HIPK2: variants seen among roughly 807,000 people sequenced by gnomAD.
HIPK2 encodes the protein homeodomain-interacting protein kinase 2.
HIPK2 carries 27 observed loss-of-function variants against 113.7 expected under a neutral mutation model. That is an observed-to-expected ratio of 0.24 (90% CI 0.17 to 0.33). The LOEUF (loss-of-function observed/expected upper bound fraction) is 0.33, where lower values mean the gene tolerates loss of function less well. HIPK2 is among the 10% of genes least tolerant of loss of function. HIPK2 has a pLI of 1.00. For missense variants in HIPK2, 1,257 were observed against 1,588.0 expected, an observed-to-expected ratio of 0.79 and a Z score of 3.54; for synonymous variants, 631 against 642.2, an observed-to-expected ratio of 0.98 and a Z score of 0.26.
chr7:139,750,476 A>G (rs1307727707), intron 1 of HIPK2, among the ~76,000 whole-genome samples: 1 of 152,080 alleles, frequency 6.6e-6, no homozygotes, highest in African/African-American at 2.4e-5. Flanking sequence ...ATATATTTAC[A>G]CACATAGGCA....
chr7:139,653,730 G>A (rs1801549022), intron 2 of HIPK2, among the ~76,000 whole-genome samples: 1 of 151,800 alleles, frequency 6.6e-6, no homozygotes, highest in Non-Finnish European at 1.5e-5. Flanking sequence ...GCCTCCTCGA[G>A]ACTGTTGTTG....
intron 6 of HIPK2, among the ~76,000 whole-genome samples, chr7:139,621,925 GAAAAAAA>G (rs34446527): frequency 4.0e-5 from 3 of 75,586 alleles, no homozygotes; most frequent in East Asian, 5.3e-4. Context: ...CCTGTCTCAG[GAAAAAAA>G]AAAAAAAAAA....
At chr7:139,656,229 T>C (rs565311988) in intron 2 of HIPK2, among the ~76,000 whole-genome samples, 6 of 152,186 alleles carry the variant, frequency 3.9e-5, no homozygotes, top group Non-Finnish European at 7.4e-5. Context: ...TCTAGTACCA[T>C]ATTCTCATTG....
In HIPK2 at chr7:139,637,896, C is replaced by T. The variant is rs111794119; in HGVS notation, c.1104-6171G>A. 9.2e-3 allele frequency among the ~76,000 whole-genome samples: 1,399 copies of T among 152,216 alleles called. 19 individuals are homozygous for T. The highest frequency in any genetic ancestry group is 0.031 in the African/African-American group (1,292 of 41,518). On this transcript the variant is annotated intron_variant, in intron 2 of 14. Coordinates refer to ENST00000406875, the MANE Select transcript of HIPK2 (RefSeq NM_022740.5). Reference sequence around the variant, plus strand: ...GCTGAGGCTCAGAGAGGGGCACGAGCAACCCGGCTCACACTCACCACAGCA... The same window carrying T: ...GCTGAGGCTCAGAGAGGGGCACGAGTAACCCGGCTCACACTCACCACAGCA...
At chr7:139,635,052 C>T in intron 2 of HIPK2, among the ~76,000 whole-genome samples, 2 of 152,312 alleles carry the variant, frequency 1.3e-5, no homozygotes, top group Admixed American at 6.5e-5. Context: ...TTTCTCTCTG[C>T]CCTCCCTGTT....
intron 1 of HIPK2, among the ~76,000 whole-genome samples, chr7:139,757,164 C>T (rs768054009): frequency 2.4e-4 from 37 of 152,138 alleles, no homozygotes; most frequent in Non-Finnish European, 4.3e-4. Context: ...CTCAATCATT[C>T]GTTTTAATGT....
At chr7:139,695,400 G>C (rs1050135352) in intron 2 of HIPK2, among the ~76,000 whole-genome samples, 2 of 152,188 alleles carry the variant, frequency 1.3e-5, no homozygotes, top group Admixed American at 6.5e-5. Context: ...AGCCTTGGGG[G>C]CTCGCCACTC....
intron 2 of HIPK2, among the ~76,000 whole-genome samples, chr7:139,634,249 G>T (rs1260793677): frequency 6.6e-6 from 1 of 152,108 alleles, no homozygotes; most frequent in Non-Finnish European, 1.5e-5. Flanking sequence ...GGAGTGAGTT[G>T]CCTTGTTGCT....
At chr7:139,662,617 CT>C (rs373566905) in intron 2 of HIPK2, among the ~76,000 whole-genome samples, 2,628 of 133,610 alleles carry the variant, frequency 0.02, 27 homozygotes, top group East Asian at 0.06. Flanking sequence ...TAAAACACCA[CT>C]TTTTTTTTTT....
intron 1 of HIPK2, among the ~76,000 whole-genome samples, chr7:139,750,832 T>TAA (rs894716498): frequency 3.3e-5 from 5 of 152,160 alleles, no homozygotes; most frequent in Non-Finnish European, 7.4e-5. Flanking sequence ...TGAAAAGAAC[T>TAA]AAAAAAATCT....
At chr7:139,664,157 C>A (rs772180991) in intron 2 of HIPK2, among the ~76,000 whole-genome samples, 1 of 152,092 alleles carries the variant, frequency 6.6e-6, no homozygotes, top group Non-Finnish European at 1.5e-5. Context: ...AACCAACCAA[C>A]CAACCAAATA....
At chr7:139,708,176 T>C (rs1444929227) in intron 2 of HIPK2, among the ~76,000 whole-genome samples, 1 of 152,072 alleles carries the variant, frequency 6.6e-6, no homozygotes, top group African/African-American at 2.4e-5. Flanking sequence ...CTGGAGCCCA[T>C]GCCATCTAAG....
At position 139,732,738 on chromosome 7, in the gene HIPK2, C is replaced by CAT. The variant is rs72441650; in HGVS notation, c.20-15725_20-15724dup. ...AGGGTCCTTGTGAGGAGTAAATGAA[C>CAT]ATATATATATATAACTATATATAAC... On this transcript the variant is annotated intron_variant, in intron 1 of 14. Transcript: ENST00000406875. Among the ~76,000 whole-genome samples the CAT allele has an allele frequency of 6.6e-3, 980 of 147,638 alleles. 15 individuals are homozygous for CAT. Among genetic ancestry groups the CAT allele is most frequent in the African/African-American group, 0.021 (849 of 40,258 alleles).
chr7:139,630,499 G>A lies in HIPK2; in HGVS notation c.1347+666C>T, dbSNP rs1371562123. ...TGCAACCTCCGCCTCCCAGGTGCAA[G>A]TGATTCACGTGCCTCAGCTTCCTGA... On this transcript the variant is annotated intron_variant, in intron 4 of 14. Transcript: ENST00000406875. The surrounding 1 kb of genome is among the most constrained non-coding windows in gnomAD (Gnocchi z 4.0). 6.6e-6 allele frequency among the ~76,000 whole-genome samples: 1 copy of A among 152,248 alleles called. No homozygotes were observed. The highest frequency in any genetic ancestry group is 1.5e-5 in the Non-Finnish European group (1 of 68,044).
intron 2 of HIPK2, among the ~76,000 whole-genome samples, chr7:139,648,696 C>T (rs569487355): frequency 3.3e-5 from 5 of 152,126 alleles, no homozygotes; most frequent in African/African-American, 1.2e-4. Context: ...TCATCAGCCC[C>T]GTCTGCATCA....
At chr7:139,743,063 T>C (rs1796130987) in intron 1 of HIPK2, among the ~76,000 whole-genome samples, 3 of 152,270 alleles carry the variant, frequency 2.0e-5, no homozygotes, top group East Asian at 1.9e-4. Context: ...TCCCAAGGCC[T>C]TCACTGCTTT....
intron 14 of HIPK2, 39 bp downstream of exon 14, chr7:139,575,089 G>A: frequency 2.6e-6 from 4 of 1,553,266 alleles, no homozygotes; most frequent in Non-Finnish European, 3.5e-6. Context: ...GAGGGGATGG[G>A]GGCCCTGCCT....
intron 2 of HIPK2, among the ~76,000 whole-genome samples, chr7:139,707,184 A>G (rs938140371): frequency 6.6e-6 from 1 of 152,210 alleles, no homozygotes; most frequent in Non-Finnish European, 1.5e-5. Flanking sequence ...CGATTCCCTT[A>G]GGCCTGTGAT....
chr7:139,642,381 A>G lies in HIPK2; in HGVS notation c.1104-10656T>C, dbSNP rs528943084. On this transcript the variant is annotated intron_variant, in intron 2 of 14. Coordinates refer to ENST00000406875, the MANE Select transcript of HIPK2 (RefSeq NM_022740.5). ...GAAGAGCAGGGAGGAGGAGGAGGCTATTTCAGAGGAATTGGAGCCAGAGGT... is the reference window on the plus strand; with the variant it reads ...GAAGAGCAGGGAGGAGGAGGAGGCTGTTTCAGAGGAATTGGAGCCAGAGGT... Among the ~76,000 whole-genome samples the G allele has an allele frequency of 4.7e-4, 71 of 152,316 alleles. 1 individual carries two copies. The highest frequency in any genetic ancestry group is 1.4e-3 in the African/African-American group (58 of 41,582).
Sources: gnomAD v4.1 joint callset for allele counts (sites outside exome capture counted in the v4.1 genomes callset) on GRCh38, gnomAD v4.1.1 for gene constraint, Gnocchi (gnomAD v3.1) non-coding constraint, MANE v1.5 for transcripts, NCBI Gene and HGNC (gene_info 2026-07-23, HGNC 2026-07-21) for gene names.